The following BMP7 variants were observed in gnomAD, a reference collection of about 807,000 sequenced individuals.
The protein encoded by BMP7 is bone morphogenetic protein 7.
Under a neutral mutation model 41.2 loss-of-function variants are expected in BMP7, and 12 were observed. The ratio of observed to expected loss-of-function variants is 0.29; its 90% CI spans 0.19 to 0.47. The LOEUF is 0.47. BMP7 is among the 20% of genes least tolerant of loss of function. The pLI, the probability that BMP7 is intolerant of heterozygous loss-of-function variation, is 0.99. For missense variants in BMP7, 467 were observed against 606.0 expected (o/e 0.77, Z 2.41); for synonymous variants, 248 against 250.0 (o/e 0.99, Z 0.07).
rs542651964 is a variant in BMP7, at chr20:57,239,282, C to T, written c.419-10861G>A. On this transcript the variant is annotated intron_variant, in intron 1 of 6. Coordinates refer to ENST00000395863, the MANE Select transcript of BMP7 (RefSeq NM_001719.3). Reference sequence around the variant, plus strand: ...AGGGGTTACAGGGCCCATGCAAGTTCGAAATTCAGCAGGGCTCTCAAACTT... The same window carrying T: ...AGGGGTTACAGGGCCCATGCAAGTTTGAAATTCAGCAGGGCTCTCAAACTT... Among the ~76,000 whole-genome samples, 8 of 152,286 alleles carry T rather than the reference C, an allele frequency of 5.3e-5. No individual in the cohort carries two copies. The East Asian group carries it at 1.2e-3, about 22-fold the overall frequency.
At chr20:57,188,383 A>T (rs1481612893) in intron 3 of BMP7, among the ~76,000 whole-genome samples, 2 of 152,194 alleles carry the variant, frequency 1.3e-5, no homozygotes, top group African/African-American at 4.8e-5. Flanking sequence ...ATTTCTATGA[A>T]ATGTCCGGAA....
At chr20:57,233,157 G>A (rs1362069446) in intron 1 of BMP7, among the ~76,000 whole-genome samples, 1 of 152,060 alleles carries the variant, frequency 6.6e-6, no homozygotes, top group Non-Finnish European at 1.5e-5. Context: ...TAAATGTCTA[G>A]AGTTGACATC....
At chr20:57,241,915 A>C in intron 1 of BMP7, among the ~76,000 whole-genome samples, 1 of 152,178 alleles carries the variant, frequency 6.6e-6, no homozygotes, top group Non-Finnish European at 1.5e-5. Flanking sequence ...TTATCTCTAG[A>C]GCTGAGGCCA....
At chr20:57,227,286 C>T (rs1401678221) in intron 2 of BMP7, among the ~76,000 whole-genome samples, 1 of 152,198 alleles carries the variant, frequency 6.6e-6, no homozygotes, top group African/African-American at 2.4e-5. Flanking sequence ...GCCACCACTT[C>T]TGAAGGCTAC....
At chr20:57,184,578 A>G (rs1984167704) in intron 3 of BMP7, among the ~76,000 whole-genome samples, 2 of 152,168 alleles carry the variant, frequency 1.3e-5, no homozygotes, top group Admixed American at 1.3e-4. Flanking sequence ...GCCTCAGCCC[A>G]GTGTCCTCTG....
intron 2 of BMP7, among the ~76,000 whole-genome samples, chr20:57,226,727 G>A (rs569240470): frequency 0.027 from 4,137 of 152,192 alleles, 79 homozygotes; most frequent in Non-Finnish European, 0.041. Context: ...TGGCATCAGG[G>A]ACCACCTCAG....
rs1009520127 is a variant in BMP7 at position 57,209,259 on chromosome 20, A to T, written c.612-6636T>A. Among the ~76,000 whole-genome samples, 23 of 113,084 alleles carry T rather than the reference A, an allele frequency of 2.0e-4. 1 individual carries two copies. Among genetic ancestry groups the T allele is most frequent in the South Asian group, 5.0e-4 (2 of 3,978 alleles). The allele number at this position is 113,084 out of a possible 152,430, so 74.2% of individuals were successfully genotyped here. On this transcript the variant is annotated intron_variant, in intron 2 of 6. Transcript: ENST00000395863. Reference sequence around the variant, plus strand: ...TAGATTTATATATTTTTATATATATATATATATATATATATATATATATAT... The same window carrying T: ...TAGATTTATATATTTTTATATATATTTATATATATATATATATATATATAT...
chr20:57,245,475 G>A (rs1280434669), intron 1 of BMP7, among the ~76,000 whole-genome samples: 2 of 151,514 alleles, frequency 1.3e-5, no homozygotes, highest in Non-Finnish European at 2.9e-5. Context: ...GCCTCCCAAA[G>A]TGCTGGAATT....
intron 3 of BMP7, among the ~76,000 whole-genome samples, chr20:57,186,645 G>C (rs1408858689): frequency 6.6e-6 from 1 of 152,142 alleles, no homozygotes; most frequent in African/African-American, 2.4e-5. Flanking sequence ...TGCAGATACG[G>C]TGCCCCCAAG....
chr20:57,196,780 C>T (rs1052459445), intron 3 of BMP7, among the ~76,000 whole-genome samples: 6 of 152,178 alleles, frequency 3.9e-5, no homozygotes, highest in Non-Finnish European at 8.8e-5. Context: ...TAGAGGATCG[C>T]TTGAGCCTGG....
At chr20:57,236,582 C>T (rs1449585430) in intron 1 of BMP7, among the ~76,000 whole-genome samples, 1 of 152,034 alleles carries the variant, frequency 6.6e-6, no homozygotes, top group Non-Finnish European at 1.5e-5. Flanking sequence ...AACGATGCCA[C>T]CAGAAGGACT....
intron 3 of BMP7, among the ~76,000 whole-genome samples, chr20:57,186,197 C>A (rs1278963426): frequency 1.3e-5 from 2 of 152,164 alleles, no homozygotes; most frequent in Non-Finnish European, 2.9e-5. Context: ...GTGAAGGTGG[C>A]CTCTGTGTTC....
chr20:57,256,209 T>G (rs868477949), intron 1 of BMP7, among the ~76,000 whole-genome samples: 2 of 152,190 alleles, frequency 1.3e-5, no homozygotes, highest in Admixed American at 6.5e-5. Flanking sequence ...ATATTACAAT[T>G]ATAATTGTTA....
chr20:57,205,138 G>GTTTT (rs1428480968), intron 2 of BMP7, among the ~76,000 whole-genome samples: 1 of 101,416 alleles, frequency 9.9e-6, no homozygotes, highest in Non-Finnish European at 1.9e-5. Flanking sequence ...TGAGGTATTT[G>GTTTT]TTTTTTGTTT....
rs1371284408 is a variant in BMP7, at chr20:57,169,273, C to T, written c.*1686G>A. On this transcript the variant is annotated 3_prime_UTR_variant, in exon 7 of 7. Coordinates refer to ENST00000395863, the MANE Select transcript of BMP7 (RefSeq NM_001719.3). ...ATGGAGAAACAGTCCCCCACAAGAC[C>T]GGGTTCCACATGGCCACAGTTTTCG... 5.3e-5 allele frequency: 8 copies of T among 152,226 alleles called. No individual in the cohort carries two copies. The highest frequency in any genetic ancestry group is 4.1e-4 in the South Asian group (2 of 4,820). The allele number at this position is 152,226 out of a possible 1,614,324, so 9.4% of individuals were successfully genotyped here.
chr20:57,212,408 G>C (rs1351602335), intron 2 of BMP7, among the ~76,000 whole-genome samples: 1 of 152,182 alleles, frequency 6.6e-6, no homozygotes, highest in Admixed American at 6.5e-5. Flanking sequence ...TGGGAAGCCG[G>C]GAGGAGTTCT....
At chr20:57,231,386 T>C (rs1276522760) in intron 1 of BMP7, among the ~76,000 whole-genome samples, 1 of 152,242 alleles carries the variant, frequency 6.6e-6, no homozygotes, top group Non-Finnish European at 1.5e-5. Context: ...ACGTGTTTCA[T>C]GCCTAGAAGT....
rs528833846 is a variant in BMP7, at chr20:57,179,968, A to G, written c.958+3754T>C. Among the ~76,000 whole-genome samples, 7 of 152,072 alleles carry G rather than the reference A, an allele frequency of 4.6e-5. No individual in the cohort carries two copies. The South Asian group carries it at 1.5e-3, about 32-fold the overall frequency. On this transcript the variant is annotated intron_variant, in intron 4 of 6. Transcript: ENST00000395863. The stretch of plus-strand genomic sequence containing the variant: ...GGTGGGGAAAATCAGAGTGAATTCT[A>G]AGCCCGCGATGCCTAGTTCCTCTCC...
At chr20:57,265,225 G>C (rs529565095) in intron 1 of BMP7, among the ~76,000 whole-genome samples, 125 of 152,326 alleles carry the variant, frequency 8.2e-4, no homozygotes, top group African/African-American at 2.9e-3. Flanking sequence ...GGCGCACCAC[G>C]AGGGGACAGG....
Sources: allele counts gnomAD v4.1 joint callset (sites outside exome capture counted in the v4.1 genomes callset), GRCh38; gene constraint gnomAD v4.1.1; transcripts MANE v1.5; gene names NCBI Gene and HGNC (gene_info 2026-07-23, HGNC 2026-07-21).